Variants in C12orf75 observed in about 807,000 individuals in gnomAD.
C12orf75 encodes the protein overexpressed in colon carcinoma 1 protein.
C12orf75 carries 4 observed loss-of-function variants against 11.4 expected under a neutral mutation model. The ratio of observed to expected loss-of-function variants is 0.35; its 90% confidence interval spans 0.17 to 0.80. C12orf75 has a LOEUF of 0.80. Ranked by LOEUF, C12orf75 falls within the 30% of genes least tolerant of loss-of-function variation. C12orf75 has a pLI of 0.52. For missense variants in C12orf75, 89 were observed against 80.4 expected (o/e 1.11, Z -0.41); for synonymous variants, 30 against 30.0 (o/e 1.00, Z 0.00).
At chr12:105,334,758 G>T (rs1255586011) in intron 1 of C12orf75, among the ~76,000 whole-genome samples, 1 of 152,216 alleles carries the variant, frequency 6.6e-6, no homozygotes, top group Non-Finnish European at 1.5e-5. Flanking sequence ...CCCCGAGCAT[G>T]TCTCCGGACT....
intron 1 of C12orf75, among the ~76,000 whole-genome samples, chr12:105,344,694 C>T (rs1309712473): frequency 1.3e-5 from 2 of 148,482 alleles, no homozygotes; most frequent in East Asian, 3.9e-4. Context: ...TGTGGTGAGC[C>T]AAGATTGTGC....
chr12:105,340,197 G>T (rs539417682), intron 1 of C12orf75, among the ~76,000 whole-genome samples: 1 of 151,416 alleles, frequency 6.6e-6, no homozygotes, highest in South Asian at 2.1e-4. Context: ...AGGCAGAGGC[G>T]GGTGGATCAC....
At position 105,330,802 on chromosome 12, in the gene C12orf75, G is replaced by A. The variant is rs2136137514; in HGVS notation, c.-90G>A. 8.3e-7 allele frequency: 1 copy of A among 1,198,516 alleles called. No individual in the cohort carries two copies. The highest frequency in any genetic ancestry group is 1.0e-6 in the Non-Finnish European group (1 of 963,672). 74.2% of individuals were successfully genotyped at this position (1,198,516 alleles called of 1,614,324 possible). On this transcript the variant is annotated 5_prime_UTR_variant, in exon 1 of 6. Coordinates refer to ENST00000443585, the MANE Select transcript of C12orf75 (RefSeq NM_001145199.2). ...CCCCTCGCGGCCCCGTCAGCCTCCC[G>A]CTCGGGGTGCGCCGCCCTTCGTCTG...
chr12:105,359,480 A>G (rs527467671), intron 2 of C12orf75, among the ~76,000 whole-genome samples: 1 of 152,028 alleles, frequency 6.6e-6, no homozygotes, highest in East Asian at 1.9e-4. Context: ...TTAGCAGTGG[A>G]TTATTACTGG....
intron 2 of C12orf75, among the ~76,000 whole-genome samples, chr12:105,355,565 C>T (rs1306992580): frequency 6.6e-6 from 1 of 152,122 alleles, no homozygotes; most frequent in East Asian, 1.9e-4. Context: ...ACAGTTATGG[C>T]AGGGTTTAGA....
intron 1 of C12orf75, among the ~76,000 whole-genome samples, chr12:105,339,534 AT>A (rs1029413038): frequency 6.6e-6 from 1 of 152,082 alleles, no homozygotes. Flanking sequence ...TTTCTAGTAT[AT>A]TTTATAAAGT....
chr12:105,348,464 C>A, intron 1 of C12orf75, 138 bp from the exon 2 acceptor site: 3 of 449,424 alleles, frequency 6.7e-6, no homozygotes, highest in South Asian at 6.3e-5. Context: ...TTTTTTTGCC[C>A]TCCTTTCTCT....
At chr12:105,370,083 TA>T (rs1161588093) in intron 5 of C12orf75, among the ~76,000 whole-genome samples, 3 of 152,226 alleles carry the variant, frequency 2.0e-5, no homozygotes, top group African/African-American at 7.2e-5. Flanking sequence ...CAGAATCCCT[TA>T]AAATTACTTA....
chr12:105,352,104 A>G (rs1892721215), intron 2 of C12orf75, among the ~76,000 whole-genome samples: 1 of 152,174 alleles, frequency 6.6e-6, no homozygotes, highest in Non-Finnish European at 1.5e-5. Context: ...ACGGGGAAGG[A>G]AAGGAAAGGA....
chr12:105,335,397 TGTAAAA>T (rs1020274084), intron 1 of C12orf75, among the ~76,000 whole-genome samples: 1 of 152,220 alleles, frequency 6.6e-6, no homozygotes, highest in African/African-American at 2.4e-5. Context: ...GGGGAAATAA[TGTAAAA>T]ATAATACAAA....
At chr12:105,333,141 G>C (rs927841496) in intron 1 of C12orf75, among the ~76,000 whole-genome samples, 6 of 152,196 alleles carry the variant, frequency 3.9e-5, no homozygotes, top group Non-Finnish European at 8.8e-5. Flanking sequence ...TCACCTCTTT[G>C]ATGGATATGC....
chr12:105,358,980 C>T (rs1892822611), intron 2 of C12orf75, among the ~76,000 whole-genome samples: 1 of 152,190 alleles, frequency 6.6e-6, no homozygotes, highest in African/African-American at 2.4e-5. Context: ...CTTCCTTCCC[C>T]TTTCACTTCT....
intron 3 of C12orf75, 196 bp downstream of exon 3, chr12:105,366,038 G>A (rs1165062818): frequency 3.3e-6 from 2 of 609,744 alleles, no homozygotes; most frequent in Non-Finnish European, 6.0e-6. Context: ...AAGCAAACTT[G>A]GTTTTTGTCC....
intron 3 of C12orf75, chr12:105,366,096 C>T: frequency 2.1e-6 from 1 of 466,472 alleles, no homozygotes; most frequent in South Asian, 3.4e-5. Context: ...TTTGGGTGTG[C>T]TCTTCTCCCT....
At chr12:105,362,655 A>G (rs1456051037) in intron 2 of C12orf75, among the ~76,000 whole-genome samples, 1 of 134,798 alleles carries the variant, frequency 7.4e-6, no homozygotes, top group Non-Finnish European at 1.5e-5. Context: ...TGACAGAGCA[A>G]GACTCCGTCT....
rs55845029 is a variant in C12orf75 at position 105,341,724 on chromosome 12, C to T, written c.47-6878C>T. On this transcript the variant is annotated intron_variant, in intron 1 of 5. Transcript: ENST00000443585. ...CCTGATGGGTAGATAAGTTCACCAA[C>T]CTGGAAGCTCACTGAATCCAGTAAT... Among the ~76,000 whole-genome samples, 969 of 152,310 alleles carry T rather than the reference C, an allele frequency of 6.4e-3. 11 individuals carry two copies. The highest frequency in any genetic ancestry group is 0.022 in the African/African-American group (929 of 41,568).
intron 2 of C12orf75, among the ~76,000 whole-genome samples, chr12:105,355,990 T>C (rs1892776665): frequency 6.6e-6 from 1 of 152,138 alleles, no homozygotes; most frequent in South Asian, 2.1e-4. Flanking sequence ...TCATACACTC[T>C]GGAAGAAAGA....
At chr12:105,339,766 G>A (rs974003608) in intron 1 of C12orf75, among the ~76,000 whole-genome samples, 6 of 151,858 alleles carry the variant, frequency 4.0e-5, no homozygotes, top group South Asian at 2.1e-4. Context: ...ATAGGCGCCC[G>A]CCACCACGCT....
Position 105,348,598 on chromosome 12 carries a change from C to G in C12orf75, c.47-4C>G. On this transcript the variant is annotated splice_region_variant and splice_polypyrimidine_tract_variant and intron_variant, in intron 1 of 5. Coordinates refer to ENST00000443585, the MANE Select transcript of C12orf75 (RefSeq NM_001145199.2). ...ATACAAACCTATCTTCTTTTTTTCT[C>G]TAGGCCCTGCAGGAGCAGCCAAAGA... The G allele has an allele frequency of 6.5e-7, 1 of 1,532,762 alleles. No individual in the cohort carries two copies. Among genetic ancestry groups the G allele is most frequent in the Non-Finnish European group, 8.8e-7 (1 of 1,136,190 alleles). The allele number at this position is 1,532,762 out of a possible 1,614,324, so 94.9% of individuals were successfully genotyped here. A position where few individuals can be genotyped will look rare whatever the true frequency, so the allele number is the denominator to read the frequency against.
Sources: gnomAD v4.1 joint callset for allele counts (sites outside exome capture counted in the v4.1 genomes callset) on GRCh38, gnomAD v4.1.1 for gene constraint, MANE v1.5 for transcripts, NCBI Gene and HGNC (gene_info 2026-07-23, HGNC 2026-07-21) for gene names.